The following PDE4D variants were observed in gnomAD, a reference collection of about 807,000 sequenced individuals.
PDE4D encodes the protein 3',5'-cyclic-AMP phosphodiesterase 4D.
A neutral mutation model predicts 87.4 loss-of-function variants in PDE4D; 24 were observed. The observed-to-expected ratio is 0.27, with a 90% CI of 0.20 to 0.39. The LOEUF is 0.39. PDE4D is among the 10% of genes least tolerant of loss of function. The pLI, the probability that PDE4D is intolerant of heterozygous loss-of-function variation, is 1.00. For synonymous variants in PDE4D, 384 were observed against 383.2 expected (o/e 1.00, Z -0.02); for missense variants, 714 against 1,041.0 (o/e 0.69, Z 4.32).
intron 2 of PDE4D, among the ~76,000 whole-genome samples, chr5:59,990,835 C>T (rs778171293): frequency 1.3e-5 from 2 of 152,120 alleles, no homozygotes; most frequent in Non-Finnish European, 2.9e-5. Flanking sequence ...CTTACTTCGC[C>T]TGGGACCTTT....
At chr5:60,407,698 C>T (rs1741674656) in intron 1 of PDE4D, among the ~76,000 whole-genome samples, 1 of 151,948 alleles carries the variant, frequency 6.6e-6, no homozygotes, top group African/African-American at 2.4e-5. Flanking sequence ...GGTGATCCAT[C>T]CACCTCAGCC....
chr5:59,340,098 T>A (rs1037882549), intron 1 of PDE4D, among the ~76,000 whole-genome samples: 7 of 152,186 alleles, frequency 4.6e-5, no homozygotes, highest in Admixed American at 6.5e-5. Flanking sequence ...CACTTTTGCA[T>A]TGACTGGCAC....
Position 59,065,203 on chromosome 5 carries a change from C to T in PDE4D, c.809-26232G>A, listed in dbSNP as rs1291227140. On this transcript the variant is annotated intron_variant, in intron 5 of 14. Transcript: ENST00000340635. ...CAACAAGTTGGATGGAACTGGAGGA[C>T]ATCATGCTAAGTGGAATAAACCAGA... Among the ~76,000 whole-genome samples, 3 of 151,726 alleles carry T rather than the reference C, an allele frequency of 2.0e-5. No individual in the cohort carries two copies. In the East Asian group the frequency reaches 5.8e-4, roughly 29 times the overall value.
chr5:60,110,018 TA>T (rs35394405), intron 2 of PDE4D, among the ~76,000 whole-genome samples: 51 of 151,226 alleles, frequency 3.4e-4, no homozygotes, highest in African/African-American at 4.1e-4. Context: ...TAATAATAAT[TA>T]AAAAAAAATT....
chr5:60,205,261 G>A (rs993761575), intron 1 of PDE4D, among the ~76,000 whole-genome samples: 1 of 152,154 alleles, frequency 6.6e-6, no homozygotes, highest in Non-Finnish European at 1.5e-5. Flanking sequence ...GGCCCATGGG[G>A]TGCCACCTGT....
At chr5:60,380,206 A>G (rs187731667) in intron 1 of PDE4D, among the ~76,000 whole-genome samples, 1 of 152,332 alleles carries the variant, frequency 6.6e-6, no homozygotes, top group East Asian at 1.9e-4. Flanking sequence ...AACTTTGAGG[A>G]TGTGAACTTA....
chr5:59,811,350 C>T (rs550410340), intron 1 of PDE4D, among the ~76,000 whole-genome samples: 5 of 152,292 alleles, frequency 3.3e-5, no homozygotes, highest in South Asian at 4.1e-4. Context: ...CAATTGATTT[C>T]GGAAAGAGAT....
In PDE4D at chr5:60,149,471, T is replaced by C. The variant is rs1045551461; in HGVS notation, c.42+36086A>G. Among the ~76,000 whole-genome samples the C allele has an allele frequency of 7.9e-5, 12 of 152,278 alleles. No homozygotes were observed. In the East Asian group the frequency reaches 1.7e-3, roughly 22 times the overall value. Reference sequence around the variant, plus strand: ...TTCCACTCTATCAGCACTGCTACATTGGGGATTAAGTTTCTAATACAGGAA... The same window carrying C: ...TTCCACTCTATCAGCACTGCTACATCGGGGATTAAGTTTCTAATACAGGAA... On this transcript the variant is annotated intron_variant, in intron 2 of 16. Coordinates refer to the PDE4D transcript ENST00000502484.
chr5:59,039,071 G>A (rs1413531425), intron 5 of PDE4D, 100 bp from the exon 6 acceptor site: 1 of 1,493,664 alleles, frequency 6.7e-7, no homozygotes, highest in African/African-American at 1.4e-5. Flanking sequence ...GCCATGCTCG[G>A]ATGCCCGGTG....
intron 1 of PDE4D, among the ~76,000 whole-genome samples, chr5:59,767,077 A>T (rs1443154715): frequency 2.6e-5 from 4 of 152,144 alleles, no homozygotes; most frequent in Non-Finnish European, 4.4e-5. Flanking sequence ...ATTCCTGAGC[A>T]CGGTCTTGTC....
intron 1 of PDE4D, among the ~76,000 whole-genome samples, chr5:60,268,043 C>A (rs563668332): frequency 6.6e-6 from 1 of 152,070 alleles, no homozygotes; most frequent in Non-Finnish European, 1.5e-5. Context: ...CCTTTCCAAG[C>A]CCTAATCATG....
intron 1 of PDE4D, among the ~76,000 whole-genome samples, chr5:59,468,437 TA>T (rs752994251): frequency 1.9e-4 from 29 of 152,052 alleles, no homozygotes; most frequent in Non-Finnish European, 4.4e-5. Context: ...AGTACTTACC[TA>T]AAAAACAAAA....
At chr5:59,849,246 GA>G (rs1281090161) in intron 1 of PDE4D, among the ~76,000 whole-genome samples, 3 of 151,634 alleles carry the variant, frequency 2.0e-5, no homozygotes, top group Non-Finnish European at 4.4e-5. Flanking sequence ...GCTTTTTCAA[GA>G]AAAAAATCAT....
At chr5:59,567,989 C>T (rs1286726999) in intron 1 of PDE4D, among the ~76,000 whole-genome samples, 5 of 152,094 alleles carry the variant, frequency 3.3e-5, no homozygotes, top group African/African-American at 1.2e-4. Flanking sequence ...AAATGACAAC[C>T]CAAAAACAAT....
In PDE4D at chr5:59,873,176, G is replaced by A. The variant is rs538325601; in HGVS notation, c.455+19992C>T. Among the ~76,000 whole-genome samples the A allele has an allele frequency of 4.6e-5, 7 of 152,226 alleles. No individual in the cohort carries two copies. In the East Asian group the frequency reaches 5.8e-4, roughly 13 times the overall value. ...AAGTCTAATTCCAATTCTCTAGTTC[G>A]TGGTTTCAAAGGAAAAATTCTGAAA... On this transcript the variant is annotated intron_variant, in intron 1 of 14. Transcript: ENST00000340635.
chr5:59,665,537 T>C (rs1745937911), intron 1 of PDE4D, among the ~76,000 whole-genome samples: 1 of 152,210 alleles, frequency 6.6e-6, no homozygotes, highest in Admixed American at 6.5e-5. Context: ...TCTACCAAAA[T>C]GTTATGATTG....
intron 1 of PDE4D, among the ~76,000 whole-genome samples, chr5:59,477,540 T>TA (rs992581818): frequency 1.1e-4 from 17 of 151,922 alleles, no homozygotes; most frequent in Non-Finnish European, 7.4e-5. Flanking sequence ...ATTAAAAAGT[T>TA]AAAAAACAAC....
intron 1 of PDE4D, among the ~76,000 whole-genome samples, chr5:59,774,047 C>T (rs1763836868): frequency 6.6e-6 from 1 of 151,976 alleles, no homozygotes; most frequent in South Asian, 2.1e-4. Context: ...AAAGAAGGTA[C>T]ATATGGAGGA....
chr5:59,639,650 G>A (rs1446204677), intron 1 of PDE4D, among the ~76,000 whole-genome samples: 2 of 152,134 alleles, frequency 1.3e-5, no homozygotes, highest in African/African-American at 2.4e-5. Context: ...TGAGTCTGAG[G>A]TGCCTTCAAG....
Sources: gnomAD v4.1 joint callset for allele counts (sites outside exome capture counted in the v4.1 genomes callset) on GRCh38, gnomAD v4.1.1 for gene constraint, MANE v1.5 for transcripts, NCBI Gene and HGNC (gene_info 2026-07-23, HGNC 2026-07-21) for gene names.